ZNF407: variants seen among roughly 807,000 people sequenced by gnomAD.
ZNF407 encodes the protein zinc finger protein 407.
ZNF407 carries 17 observed loss-of-function variants against 131.2 expected under a neutral mutation model. The ratio of observed to expected loss-of-function variants is 0.13; its 90% confidence interval spans 0.09 to 0.19. ZNF407 has a LOEUF of 0.19. ZNF407 is among the 10% of genes least tolerant of loss of function. The probability of loss-of-function intolerance (pLI) is 1.00; values close to 1 mark genes in which losing one functional copy is unlikely to be tolerated. For missense variants in ZNF407, 2,681 were observed against 2,830.6 expected, an observed-to-expected ratio of 0.95 and a Z score of 1.20; for synonymous variants, 1,156 against 1,062.0, an observed-to-expected ratio of 1.09 and a Z score of -1.72.
chr18:74,667,687 C>T (rs1985985404), intron 3 of ZNF407, among the ~76,000 whole-genome samples: 1 of 152,196 alleles, frequency 6.6e-6, no homozygotes, highest in Non-Finnish European at 1.5e-5. Context: ...GCCCATAGGT[C>T]TCCCCATCTA....
chr18:74,627,975 A>G (rs1983877529), intron 1 of ZNF407, among the ~76,000 whole-genome samples: 1 of 151,978 alleles, frequency 6.6e-6, no homozygotes, highest in South Asian at 2.1e-4. Flanking sequence ...CGGAGGCTCA[A>G]GCGATTTTCC....
intron 8 of ZNF407, among the ~76,000 whole-genome samples, chr18:74,929,470 AATTG>A (rs1190443722): frequency 2.0e-5 from 3 of 152,158 alleles, no homozygotes; most frequent in Non-Finnish European, 4.4e-5. Flanking sequence ...TAAGGGAAAA[AATTG>A]ATTGTGAAAA....
chr18:74,807,404 G>A (rs1970126878), intron 4 of ZNF407, among the ~76,000 whole-genome samples: 1 of 152,124 alleles, frequency 6.6e-6, no homozygotes, highest in Admixed American at 6.5e-5. Context: ...TCTTCGTTGT[G>A]CATGGATATT....
chr18:74,826,672 A>G (rs17055699), intron 4 of ZNF407, among the ~76,000 whole-genome samples: 13,211 of 152,194 alleles, frequency 0.087, 643 homozygotes, highest in South Asian at 0.17. Context: ...ATTTACCCTT[A>G]TTAGTACTTA....
At chr18:75,038,409 C>G (rs148373629) in intron 8 of ZNF407, among the ~76,000 whole-genome samples, 16 of 152,202 alleles carry the variant, frequency 1.1e-4, no homozygotes, top group African/African-American at 3.6e-4. Context: ...TTAAAACTAC[C>G]TTGTACTCCT....
intron 4 of ZNF407, among the ~76,000 whole-genome samples, chr18:74,821,247 T>G (rs180945549): frequency 1.3e-5 from 2 of 152,082 alleles, no homozygotes; most frequent in East Asian, 3.9e-4. Flanking sequence ...TAGACTTAGT[T>G]TTCAAGGCAT....
chr18:74,857,089 G>C (rs1223149913), intron 4 of ZNF407, among the ~76,000 whole-genome samples: 3 of 152,194 alleles, frequency 2.0e-5, no homozygotes, highest in Non-Finnish European at 4.4e-5. Context: ...GTATACTGCA[G>C]CTCTAATAGT....
intron 8 of ZNF407, among the ~76,000 whole-genome samples, chr18:74,956,536 G>T (rs1246694108): frequency 6.6e-6 from 1 of 151,990 alleles, no homozygotes; most frequent in Non-Finnish European, 1.5e-5. Flanking sequence ...TTCCATTCTA[G>T]TGTACACACA....
At chr18:74,702,969 A>ATT (rs1367599685) in intron 3 of ZNF407, among the ~76,000 whole-genome samples, 4 of 152,224 alleles carry the variant, frequency 2.6e-5, no homozygotes, top group African/African-American at 9.6e-5. Context: ...ATGGGCAGAA[A>ATT]CCCATGTCTG....
chr18:74,788,734 C>T (rs979034263), intron 4 of ZNF407, among the ~76,000 whole-genome samples: 1 of 149,868 alleles, frequency 6.7e-6, no homozygotes, highest in South Asian at 2.1e-4. Flanking sequence ...TTTCTTATTG[C>T]TTCTAAGATT....
chr18:75,020,395 A>C (rs930627145), intron 8 of ZNF407, among the ~76,000 whole-genome samples: 1 of 151,972 alleles, frequency 6.6e-6, no homozygotes, highest in Non-Finnish European at 1.5e-5. Context: ...ACTTAGGCTC[A>C]CGGAAGGTGT....
At chr18:74,714,947 G>A (rs1450391051) in intron 3 of ZNF407, among the ~76,000 whole-genome samples, 2 of 152,056 alleles carry the variant, frequency 1.3e-5, no homozygotes, top group Non-Finnish European at 2.9e-5. Context: ...TCTAGACAGG[G>A]CGTCGCTCTG....
Position 74,601,323 on chromosome 18 carries a change from G to C in ZNF407, c.-54+3386G>C, listed in dbSNP as rs62097584. Among the ~76,000 whole-genome samples, 4 of 125,102 alleles carry C rather than the reference G, an allele frequency of 3.2e-5. No individual in the cohort carries two copies. In the East Asian group the frequency reaches 8.1e-4, roughly 25 times the overall value. 82.1% of individuals were successfully genotyped at this position (125,102 alleles called of 152,430 possible). Reference sequence around the variant, plus strand: ...CAGTTAGTTGTGTGTGTGTGTGTGTGTATGTCTGTGTGTGTGTGTGTGTGT... The same window carrying C: ...CAGTTAGTTGTGTGTGTGTGTGTGTCTATGTCTGTGTGTGTGTGTGTGTGT... On this transcript the variant is annotated intron_variant, in intron 1 of 8. Coordinates refer to ENST00000299687, the MANE Select transcript of ZNF407 (RefSeq NM_017757.3).
intron 4 of ZNF407, among the ~76,000 whole-genome samples, chr18:74,874,472 G>T (rs1971128565): frequency 6.6e-6 from 1 of 152,152 alleles, no homozygotes; most frequent in African/African-American, 2.4e-5. Flanking sequence ...CCCTATCCCT[G>T]GTGGCTGGAG....
intron 8 of ZNF407, among the ~76,000 whole-genome samples, chr18:74,925,754 C>T (rs764251708): frequency 1.3e-5 from 2 of 152,208 alleles, no homozygotes; most frequent in African/African-American, 2.4e-5. Flanking sequence ...CTTACATAAA[C>T]CAATTATTAC....
At chr18:74,882,541 C>G (rs1383563492) in intron 6 of ZNF407, among the ~76,000 whole-genome samples, 1 of 152,168 alleles carries the variant, frequency 6.6e-6, no homozygotes, top group Non-Finnish European at 1.5e-5. Flanking sequence ...TTTGCAAGAT[C>G]AATGCAAGCT....
chr18:74,867,444 C>T (rs1971028834), intron 4 of ZNF407, among the ~76,000 whole-genome samples: 2 of 152,128 alleles, frequency 1.3e-5, no homozygotes, highest in Non-Finnish European at 1.5e-5. Context: ...GAACACGTGT[C>T]CTGTGCCCAA....
chr18:74,898,884 G>A (rs1033572280), intron 7 of ZNF407, among the ~76,000 whole-genome samples: 1 of 152,174 alleles, frequency 6.6e-6, no homozygotes, highest in Non-Finnish European at 1.5e-5. Flanking sequence ...TGTCTGGGGG[G>A]AAAAGTGGTT....
At chr18:74,800,105 C>A (rs545348597) in intron 4 of ZNF407, among the ~76,000 whole-genome samples, 5 of 151,822 alleles carry the variant, frequency 3.3e-5, no homozygotes, top group Non-Finnish European at 5.9e-5. Context: ...TTTGTATACA[C>A]ACACAGTGAG....
Sources: gnomAD v4.1 joint callset for allele counts (sites outside exome capture counted in the v4.1 genomes callset) on GRCh38, gnomAD v4.1.1 for gene constraint, MANE v1.5 for transcripts, NCBI Gene and HGNC (gene_info 2026-07-23, HGNC 2026-07-21) for gene names.